Variants in SRSF4 observed in about 807,000 individuals in gnomAD.
SRSF4 encodes serine and arginine rich splicing factor 4.
SRSF4 carries 12 observed loss-of-function variants against 48.8 expected under a neutral mutation model. The ratio of observed to expected loss-of-function variants is 0.25; its 90% CI spans 0.16 to 0.40. The LOEUF is 0.40. Among genes scored for constraint, SRSF4 ranks in the 10% least tolerant of loss-of-function variants. The pLI is 1.00. For synonymous variants in SRSF4, 248 were observed against 232.5 expected, an observed-to-expected ratio of 1.07 and a Z score of -0.61; for missense variants, 466 against 667.1, an observed-to-expected ratio of 0.70 and a Z score of 3.32.
chr1:29,156,181 T>C (rs1413440504), intron 3 of SRSF4, among the ~76,000 whole-genome samples: 1 of 151,998 alleles, frequency 6.6e-6, no homozygotes, highest in Non-Finnish European at 1.5e-5. Context: ...TTGTGAAACC[T>C]TGTCTCTACT....
chr1:29,148,778 TGCTGCG>T lies in SRSF4; in HGVS notation c.1111_1116del (p.Arg371_Ser372del). The T allele has an allele frequency of 6.2e-7, 1 of 1,613,484 alleles. No individual in the cohort carries two copies. On this transcript the variant is annotated inframe_deletion, in exon 6 of 6. Transcript: ENST00000373795. Reference sequence around the variant, plus strand: ...CCTCGCTTTCTGCTCCTCTCACTCTTGCTGCGGCTGCGACTGCGACTGCGGCTCTCC... The same window carrying T: ...CCTCGCTTTCTGCTCCTCTCACTCTTGCTGCGACTGCGACTGCGGCTCTCC...
At chr1:29,169,211 G>A (rs1196220019) in intron 1 of SRSF4, 2 of 152,164 alleles carry the variant, frequency 1.3e-5, no homozygotes, top group East Asian at 1.9e-4. Flanking sequence ...CTAACTTAGA[G>A]GAGTTGAGTA....
At chr1:29,169,139 C>T (rs1672709608) in intron 1 of SRSF4, 1 of 152,194 alleles carries the variant, frequency 6.6e-6, no homozygotes, top group Non-Finnish European at 1.5e-5. Context: ...GTGCTTTACA[C>T]ACATTATATC....
intron 1 of SRSF4, among the ~76,000 whole-genome samples, chr1:29,174,101 A>T (rs1181311234): frequency 1.3e-5 from 2 of 151,628 alleles, no homozygotes; most frequent in East Asian, 3.9e-4. Flanking sequence ...AGGCAGGAGA[A>T]CTGCTTGAAC....
intron 3 of SRSF4, among the ~76,000 whole-genome samples, chr1:29,156,605 C>CCAGG (rs1300194931): frequency 1.3e-5 from 2 of 152,054 alleles, no homozygotes; most frequent in African/African-American, 4.8e-5. Context: ...AGTGGCAGAA[C>CCAGG]CAGGATTCTA....
At chr1:29,152,300 G>T (rs1672423919) in intron 4 of SRSF4, among the ~76,000 whole-genome samples, 1 of 152,220 alleles carries the variant, frequency 6.6e-6, no homozygotes, top group African/African-American at 2.4e-5. Flanking sequence ...AGGAGCGGGT[G>T]ATGTGAAACA....
intron 3 of SRSF4, among the ~76,000 whole-genome samples, chr1:29,155,585 C>T (rs1672488481): frequency 6.6e-6 from 1 of 152,120 alleles, no homozygotes; most frequent in Non-Finnish European, 1.5e-5. Context: ...CTCTGCCTCC[C>T]AGGTTCAAGT....
At position 29,178,377 on chromosome 1, in the gene SRSF4, G is replaced by A. The variant is rs191133743; in HGVS notation, c.107+3269C>T. Among the ~76,000 whole-genome samples the A allele has an allele frequency of 8.1e-4, 80 of 98,822 alleles. 1 individual carries two copies. Among genetic ancestry groups the A allele is most frequent in the African/African-American group, 2.8e-3 (69 of 24,550 alleles). The allele number at this position is 98,822 out of a possible 152,430, so 64.8% of individuals were successfully genotyped here. A position where few individuals can be genotyped will look rare whatever the true frequency, so the allele number is the denominator to read the frequency against. On this transcript the variant is annotated intron_variant, in intron 1 of 5. Transcript: ENST00000373795. ...ACTTTTTTTTTTGAGACAGAGTCTC[G>A]CTGTCGCCCAGGCTGGAGTGCAGTG...
chr1:29,173,130 C>CTTTTTTT (rs71586892), intron 1 of SRSF4: 30 of 78,566 alleles, frequency 3.8e-4, no homozygotes, highest in African/African-American at 6.2e-4. Flanking sequence ...GTCAAAAAGG[C>CTTTTTTT]TTTTTTTTTT....
intron 1 of SRSF4, among the ~76,000 whole-genome samples, chr1:29,161,961 A>G (rs904812041): frequency 1.3e-5 from 2 of 152,198 alleles, no homozygotes; most frequent in Non-Finnish European, 2.9e-5. Context: ...AGAATTGTGG[A>G]ATTTTTCCTT....
At chr1:29,167,369 T>TA (rs1174627625) in intron 1 of SRSF4, among the ~76,000 whole-genome samples, 4 of 152,152 alleles carry the variant, frequency 2.6e-5, no homozygotes, top group Admixed American at 2.0e-4. Context: ...TTAGCACTTC[T>TA]ATTCAATTTT....
chr1:29,178,353 C>CTTCTTTTTTTTT (rs141096220), intron 1 of SRSF4, among the ~76,000 whole-genome samples: 12,389 of 127,510 alleles, frequency 0.097, 1,179 homozygotes, highest in African/African-American at 0.18. Flanking sequence ...GTTTCAATTA[C>CTTCTTTTTTTTT]TTTTTTTTTT....
intron 2 of SRSF4, chr1:29,160,037 G>C (rs2151815880): frequency 4.8e-6 from 1 of 209,130 alleles, no homozygotes; most frequent in East Asian, 1.5e-4. Context: ...GGAACAGGCA[G>C]TCATCTTAGC....
chr1:29,161,136 C>T (rs914545859), intron 1 of SRSF4, among the ~76,000 whole-genome samples: 7 of 152,114 alleles, frequency 4.6e-5, no homozygotes, highest in South Asian at 4.1e-4. Flanking sequence ...GTATACAACT[C>T]GTGCAAACTT....
intron 4 of SRSF4, among the ~76,000 whole-genome samples, chr1:29,153,491 C>T (rs915799235): frequency 1.3e-5 from 2 of 152,008 alleles, no homozygotes; most frequent in Non-Finnish European, 2.9e-5. Context: ...AGCCCAGTGC[C>T]TGGCCTGTTC....
At chr1:29,156,255 G>T (rs1672497432) in intron 3 of SRSF4, among the ~76,000 whole-genome samples, 1 of 151,726 alleles carries the variant, frequency 6.6e-6, no homozygotes, top group Non-Finnish European at 1.5e-5. Flanking sequence ...CTGGGAGGCT[G>T]AGGCATGAAA....
chr1:29,153,932 T>C (rs910739641), intron 4 of SRSF4, among the ~76,000 whole-genome samples: 1 of 151,938 alleles, frequency 6.6e-6, no homozygotes, highest in Non-Finnish European at 1.5e-5. Flanking sequence ...GGAGTCTCCC[T>C]GTCGCCCAGG....
chr1:29,159,755 A>C lies in SRSF4; in HGVS notation c.251-269T>G, dbSNP rs1424737676. 1.5e-5 allele frequency: 4 copies of C among 273,230 alleles called. No individual in the cohort carries two copies. The South Asian group carries it at 2.5e-4, about 17-fold the overall frequency. The allele number at this position is 273,230 out of a possible 1,614,324, so 16.9% of individuals were successfully genotyped here. A position where few individuals can be genotyped will look rare whatever the true frequency, so the allele number is the denominator to read the frequency against. ...ATAAATTTAAAACTATTAACAATTTAACAATTTAGAAATAAGTAACCAAAT... is the reference window on the plus strand; with the variant it reads ...ATAAATTTAAAACTATTAACAATTTCACAATTTAGAAATAAGTAACCAAAT... On this transcript the variant is annotated intron_variant, in intron 2 of 5. Transcript: ENST00000373795.
At chr1:29,181,551 C>T (rs1345609657) in intron 1 of SRSF4, 95 bp downstream of exon 1, 3 of 1,128,904 alleles carry the variant, frequency 2.7e-6, no homozygotes, top group East Asian at 2.9e-5. Flanking sequence ...GTAGCCGCTC[C>T]GCGCGGACCA....
Sources: gnomAD v4.1 joint callset for allele counts (sites outside exome capture counted in the v4.1 genomes callset) on GRCh38, gnomAD v4.1.1 for gene constraint, MANE v1.5 for transcripts, NCBI Gene and HGNC (gene_info 2026-07-23, HGNC 2026-07-21) for gene names.